Variants in LTK observed in about 807,000 individuals in gnomAD.
The protein encoded by LTK is leukocyte tyrosine kinase receptor.
In LTK, 117 loss-of-function variants were observed where a neutral mutation model predicts 101.5. The ratio of observed to expected loss-of-function variants is 1.15; its 90% CI spans 0.99 to 1.34. The LOEUF is 1.34. LTK is among the 40% of genes most tolerant of loss of function. The pLI is 0.00. For missense variants in LTK, 1,252 were observed against 1,164.7 expected, an observed-to-expected ratio of 1.07 and a Z score of -1.09; for synonymous variants, 563 against 494.2, an observed-to-expected ratio of 1.14 and a Z score of -1.85.
Position 41,512,231 on chromosome 15 carries a change from C to T in LTK, c.394G>A (p.Ala132Thr), listed in dbSNP as rs763872314. The T allele has an allele frequency of 6.2e-7, 1 of 1,612,850 alleles. No individual in the cohort carries two copies. Among genetic ancestry groups the T allele is most frequent in the Non-Finnish European group, 8.5e-7 (1 of 1,179,754 alleles). The change falls in exon 4 of 20, where the codon GCC becomes ACC. Residue 132 changes from alanine to threonine, a missense_variant. Ala to Thr is a moderately conservative substitution (Grantham distance 58). Transcript: ENST00000263800. ...SAYGAAGGKG[A>T]KNHLSRAHGV... ...TGCGCCCGCGACAGGTGGTTCTTGG[C>T]GCCTTTGCCGCCCGCGGCTCCGTAG...
chr15:41,513,489 T>G (rs192211744), intron 1 of LTK, among the ~76,000 whole-genome samples, 178 bp downstream of exon 1: 2 of 152,338 alleles, frequency 1.3e-5, no homozygotes, highest in African/African-American at 4.8e-5. Flanking sequence ...GACTCTGGGA[T>G]TCGCACGCAC....
intron 7 of LTK, among the ~76,000 whole-genome samples, chr15:41,510,443 C>A (rs542787665): frequency 6.6e-6 from 1 of 152,108 alleles, no homozygotes; most frequent in East Asian, 1.9e-4. Flanking sequence ...TCCCCCAACT[C>A]CCAGGATAAT....
At position 41,513,104 on chromosome 15, in the gene LTK, A is replaced by G; in HGVS notation, c.60T>C (p.Ser20=). The change falls in exon 2 of 20, where the codon TCT becomes TCC. Residue 20 remains serine, a synonymous_variant. Coordinates refer to ENST00000263800, the MANE Select transcript of LTK (RefSeq NM_002344.6). ...GAAAAGTCTCCTGGGACCCCGGGCTAGAGCAGAGAATGGCGCCTGAAAGGT... is the reference window on the plus strand; with the variant it reads ...GAAAAGTCTCCTGGGACCCCGGGCTGGAGCAGAGAATGGCGCCTGAAAGGT... ...WFGAAGAILC[S]SPGSQETFLR... The G allele has an allele frequency of 6.2e-7, 1 of 1,605,406 alleles. No individual in the cohort carries two copies. Among genetic ancestry groups the G allele is most frequent in the Middle Eastern group, 1.7e-4 (1 of 6,022 alleles).
chr15:41,503,912 G>A lies in LTK; in HGVS notation c.*84C>T. ...CAGACTGCAGGGAACAGAGGCCGCT[G>A]GCATAACAGGCCACCCAGGAGCCTG... On this transcript the variant is annotated 3_prime_UTR_variant, in exon 20 of 20. Coordinates refer to ENST00000263800, the MANE Select transcript of LTK (RefSeq NM_002344.6). 6.9e-7 allele frequency: 1 copy of A among 1,451,290 alleles called. No homozygotes were observed. The highest frequency in any genetic ancestry group is 9.2e-7 in the Non-Finnish European group (1 of 1,084,908). The allele number at this position is 1,451,290 out of a possible 1,614,324, so 89.9% of individuals were successfully genotyped here.
intron 1 of LTK, 54 bp from the exon 2 acceptor site, chr15:41,513,174 T>C (rs1230803347): frequency 6.6e-7 from 1 of 1,517,644 alleles, no homozygotes; most frequent in Non-Finnish European, 8.8e-7. Context: ...AAATAGGATA[T>C]GAAAGAAAGA....
intron 11 of LTK, among the ~76,000 whole-genome samples, chr15:41,506,471 T>C (rs914295928): frequency 4.7e-5 from 7 of 148,110 alleles, no homozygotes; most frequent in Non-Finnish European, 9.0e-5. Context: ...CGCCCAGCTA[T>C]TTTTTGTGTT....
chr15:41,507,658 C>A lies in LTK; in HGVS notation c.1250-1G>T. 2 of 1,612,442 alleles carry A rather than the reference C, an allele frequency of 1.2e-6. No individual in the cohort carries two copies. The highest frequency in any genetic ancestry group is 2.2e-5 in the South Asian group (2 of 90,694). On this transcript the variant is annotated splice_acceptor_variant, in intron 9 of 19. Coordinates refer to ENST00000263800, the MANE Select transcript of LTK (RefSeq NM_002344.6). LOFTEE classifies it high-confidence loss of function. ...AGAGGGCCTGGGGGCTTGTGCAGGT[C>A]TAGGGAGAAAGAGAGACACCTCCAG...
rs775802686 is a variant in LTK, at chr15:41,508,077, G to A, written c.1241C>T (p.Thr414Ile). ...GCAAAGGTAGGACATACCCATGCAGGTGACGTTATCCACAGCTAGCTCCAT... is the reference window on the plus strand; with the variant it reads ...GCAAAGGTAGGACATACCCATGCAGATGACGTTATCCACAGCTAGCTCCAT... The part of the protein sequence containing the change: ...EGMELAVDNV[T>I]CMDLHKPPGP... Residue 414 changes from threonine to isoleucine, a missense_variant, in exon 9 of 20, where the codon ACC (threonine) becomes ATC (isoleucine). Coordinates refer to ENST00000263800, the MANE Select transcript of LTK (RefSeq NM_002344.6). The A allele has an allele frequency of 2.5e-6, 4 of 1,604,466 alleles. No individual in the cohort carries two copies. Among genetic ancestry groups the A allele is most frequent in the Non-Finnish European group, 3.4e-6 (4 of 1,175,338 alleles).
chr15:41,511,913 T>C lies in LTK; in HGVS notation c.561A>G (p.Glu187=), dbSNP rs1025241692. ...LVCLGESRAV[E]EHAAMDGSEG... ...CGCTCCCATCCATCGCCGCGTGCTC[T>C]TCAACGGCTCGAGACTCCCCGAGGC... is the stretch of plus-strand genomic sequence containing the variant. Residue 187 remains glutamate (E), a synonymous_variant, in exon 5 of 20, where the codon GAA becomes GAG. Coordinates refer to ENST00000263800, the MANE Select transcript of LTK (RefSeq NM_002344.6). The surrounding 1 kb of genome is among the most constrained non-coding windows in gnomAD (Gnocchi z 5.9). The C allele has an allele frequency of 1.8e-5, 27 of 1,494,708 alleles. No homozygotes were observed. In the East Asian group the frequency reaches 7.1e-4, roughly 39 times the overall value. 92.6% of individuals were successfully genotyped at this position (1,494,708 alleles called of 1,614,324 possible).
Position 41,507,635 on chromosome 15 carries a change from AG to A in LTK, c.1271del (p.Pro424LeufsTer4). On this transcript the variant is annotated frameshift_variant, in exon 10 of 20. Transcript: ENST00000263800. LOFTEE classifies it high-confidence loss of function. ...TCMDLHKPPG[P>X]LVLMVAVVAT... ...CCACCACAGCCACCATCAGAACCAG[AG>A]GGCCTGGGGGCTTGTGCAGGTCTAG... 1 of 1,613,808 alleles carries A rather than the reference AG, an allele frequency of 6.2e-7. No individual in the cohort carries two copies. The highest frequency in any genetic ancestry group is 8.5e-7 in the Non-Finnish European group (1 of 1,179,928).
At chr15:41,508,896 C>T (rs2051369216) in intron 8 of LTK, 135 bp downstream of exon 8, 1 of 603,796 alleles carries the variant, frequency 1.7e-6, no homozygotes. Context: ...TTCAAATGAC[C>T]CTATGCTATG....
chr15:41,505,455 T>A lies in LTK; in HGVS notation c.1773A>T (p.Glu591Asp). The change falls in exon 14 of 20, where the codon GAA (glutamate) becomes GAT (aspartate). Residue 591 changes from glutamate to aspartate, a missense_variant. Transcript: ENST00000263800. The stretch of plus-strand genomic sequence containing the variant: ...TCTTCATGTCCCCTCCAGACATCAG[T>A]TCCAGCAGAATGAGGCGAGGGGTGG... Reference protein sequence around the residue: ...LRATPRLILLELMSGGDMKSF... With the variant: ...LRATPRLILLDLMSGGDMKSF... 6.2e-7 allele frequency: 1 copy of A among 1,613,986 alleles called. No individual in the cohort carries two copies. The highest frequency in any genetic ancestry group is 2.2e-5 in the East Asian group (1 of 44,868).
chr15:41,509,246 T>A, intron 7 of LTK, 117 bp from the exon 8 acceptor site: 1 of 725,046 alleles, frequency 1.4e-6, no homozygotes, highest in Non-Finnish European at 2.5e-6. Context: ...ATGATGCAAA[T>A]GCTGTCTGTT....
chr15:41,509,793 A>C (rs2140721476), intron 7 of LTK, among the ~76,000 whole-genome samples: 1 of 151,744 alleles, frequency 6.6e-6, no homozygotes, highest in Admixed American at 6.6e-5. Context: ...CGGGAGGCGG[A>C]GGTTGCAGTG....
Position 41,506,001 on chromosome 15 carries a change from G to A in LTK, c.1546C>T (p.Leu516=). The A allele has an allele frequency of 4.3e-6, 7 of 1,612,808 alleles. No individual in the cohort carries two copies. Among genetic ancestry groups the A allele is most frequent in the Non-Finnish European group, 5.9e-6 (7 of 1,178,930 alleles). The change falls in exon 12 of 20, where the codon CTG becomes TTG. Residue 516 remains leucine, a synonymous_variant. Coordinates refer to ENST00000263800, the MANE Select transcript of LTK (RefSeq NM_002344.6). Reference sequence around the variant, plus strand: ...ACCTCCCCAAAGGCACCATGGCCCAGGGCTCTGCAGGAAGACACGTTGGAA... The same window carrying A: ...ACCTCCCCAAAGGCACCATGGCCCAAGGCTCTGCAGGAAGACACGTTGGAA... ...SPANVTLLRA[L]GHGAFGEVYE...
In LTK at chr15:41,511,622, C is replaced by T; in HGVS notation, c.658-44G>A. 1.4e-6 allele frequency: 2 copies of T among 1,421,676 alleles called. No homozygotes were observed. Among genetic ancestry groups the T allele is most frequent in the East Asian group, 5.7e-5 (2 of 35,136 alleles). 88.1% of individuals were successfully genotyped at this position (1,421,676 alleles called of 1,614,324 possible). Reference sequence around the variant, plus strand: ...GTTCCAGGAAGCGCCCTCCAGCTGTCCAGGGGCACTGCCACTGGGAGAGGG... The same window carrying T: ...GTTCCAGGAAGCGCCCTCCAGCTGTTCAGGGGCACTGCCACTGGGAGAGGG... On this transcript the variant is annotated intron_variant, in intron 5 of 19. Coordinates refer to ENST00000263800, the MANE Select transcript of LTK (RefSeq NM_002344.6). This position sits in a 1 kb window ranked among gnomAD's most constrained non-coding sequence, Gnocchi z 5.9.
chr15:41,510,375 G>C (rs1284283986), intron 7 of LTK, among the ~76,000 whole-genome samples: 1 of 152,032 alleles, frequency 6.6e-6, no homozygotes, highest in East Asian at 1.9e-4. Flanking sequence ...GATTCTGGAA[G>C]GTATTCCTCC....
Position 41,505,982 on chromosome 15 carries a change from C to G in LTK, c.1565G>C (p.Gly522Ala). 1 of 1,613,912 alleles carries G rather than the reference C, an allele frequency of 6.2e-7. No homozygotes were observed. Among genetic ancestry groups the G allele is most frequent in the Admixed American group, 1.7e-5 (1 of 60,018 alleles). Residue 522 changes from glycine (G) to alanine (A), a missense_variant, in exon 12 of 20, where the codon GGG (glycine) becomes GCG (alanine). Coordinates refer to ENST00000263800, the MANE Select transcript of LTK (RefSeq NM_002344.6). The stretch of plus-strand genomic sequence containing the variant: ...AATTACCAGTCCCTCATACACCTCC[C>G]CAAAGGCACCATGGCCCAGGGCTCT... ...LLRALGHGAF[G>A]EVYEGLVIGL...
rs767638622 is a variant in LTK, at chr15:41,504,339, C to G, written c.2346+3G>C. 1 of 1,613,938 alleles carries G rather than the reference C, an allele frequency of 6.2e-7. No individual in the cohort carries two copies. Among genetic ancestry groups the G allele is most frequent in the African/African-American group, 1.3e-5 (1 of 74,936 alleles). The stretch of plus-strand genomic sequence containing the variant: ...AGGATGTTAGATTAGGTCGGGGGCA[C>G]ACCTGAGTGCAGTACTGCAGACGCT... On this transcript the variant is annotated splice_donor_region_variant and intron_variant, in intron 19 of 19. Transcript: ENST00000263800.
Sources: allele counts gnomAD v4.1 joint callset (sites outside exome capture counted in the v4.1 genomes callset), GRCh38; gene constraint gnomAD v4.1.1; non-coding constraint Gnocchi (gnomAD v3.1); transcripts MANE v1.5; gene names NCBI Gene and HGNC (gene_info 2026-07-23, HGNC 2026-07-21).